The following TUBA1C variants were observed in gnomAD, a reference collection of about 807,000 sequenced individuals.
TUBA1C encodes the protein tubulin alpha 1c.
A neutral mutation model predicts 34.9 loss-of-function variants in TUBA1C; 16 were observed. The observed-to-expected ratio is 0.46, with a 90% CI of 0.31 to 0.70. TUBA1C has a LOEUF of 0.70. TUBA1C is among the 30% of genes least tolerant of loss of function. The pLI is 0.05. For missense variants in TUBA1C, 329 were observed against 587.3 expected (o/e 0.56, Z 4.55); for synonymous variants, 177 against 215.9 (o/e 0.82, Z 1.58).
intron 1 of TUBA1C, among the ~76,000 whole-genome samples, chr12:49,241,756 TCTC>T (rs1182112051): frequency 6.6e-6 from 1 of 151,110 alleles, no homozygotes; most frequent in Non-Finnish European, 1.5e-5. Flanking sequence ...TTCAAGCAAT[TCTC>T]CTGCCTCAGC....
At chr12:49,262,802 A>G (rs1942854202), upstream of TUBA1C, among the ~76,000 whole-genome samples, 1 of 152,050 alleles carries the variant, frequency 6.6e-6, no homozygotes, top group Non-Finnish European at 1.5e-5. Context: ...ATAATTTAGC[A>G]TATTTTTGGT....
intron 1 of TUBA1C, 40 bp from the exon 2 acceptor site, chr12:49,269,425 A>T (rs368836432): frequency 6.2e-7 from 1 of 1,612,834 alleles, no homozygotes; most frequent in Non-Finnish European, 8.5e-7. Flanking sequence ...GTCCCATCTG[A>T]TGTATTATAC....
At chr12:49,267,485 C>A (rs1394847698) in intron 1 of TUBA1C, among the ~76,000 whole-genome samples, 1 of 152,082 alleles carries the variant, frequency 6.6e-6, no homozygotes, top group East Asian at 1.9e-4. Flanking sequence ...ATGGTGAAAC[C>A]CCATCTCTAC....
intron 1 of TUBA1C, among the ~76,000 whole-genome samples, chr12:49,259,845 G>A (rs1230708689): frequency 2.0e-5 from 3 of 152,184 alleles, no homozygotes; most frequent in African/African-American, 7.2e-5. Flanking sequence ...GATAATGGCT[G>A]GCTGTGTGTC....
At chr12:49,270,055 G>C (rs543776568) in intron 3 of TUBA1C, 79 bp downstream of exon 3, 1 of 1,613,032 alleles carries the variant, frequency 6.2e-7, no homozygotes, top group South Asian at 1.1e-5. Context: ...ATCATTCTTT[G>C]CAACTAAAAT....
At position 49,273,496 on chromosome 12, in the gene TUBA1C, TCTC is replaced by T. The variant is rs1039860394; in HGVS notation, c.*272_*274del. On this transcript the variant is annotated 3_prime_UTR_variant, in exon 4 of 4. Transcript: ENST00000301072. ...CCTCGAGCTCCTGGACTCATGTGAT[TCTC>T]CTGCTTCAGCCTCCTAAGTAGCTGG... 8.8e-5 allele frequency: 44 copies of T among 500,416 alleles called. No homozygotes were observed. In the East Asian group the frequency reaches 1.7e-3, roughly 20 times the overall value. 31.0% of individuals were successfully genotyped at this position (500,416 alleles called of 1,614,324 possible).
rs1943031478 is a variant in TUBA1C at position 49,274,146 on chromosome 12, GTC to G, written c.*923_*924del. On this transcript the variant is annotated 3_prime_UTR_variant, in exon 4 of 4. Coordinates refer to ENST00000301072, the MANE Select transcript of TUBA1C (RefSeq NM_032704.5). ...TCTTAAATTTTTTTTCTTTGAGATG[GTC>G]TCTTTCCCAGGCTGCAGTGCAATGG... 1.3e-5 allele frequency: 2 copies of G among 151,928 alleles called. No individual in the cohort carries two copies. The highest frequency in any genetic ancestry group is 2.9e-5 in the Non-Finnish European group (2 of 68,030). The allele number at this position is 151,928 out of a possible 1,614,324, so 9.4% of individuals were successfully genotyped here. A position where few individuals can be genotyped will look rare whatever the true frequency, so the allele number is the denominator to read the frequency against.
chr12:49,266,601 C>G (rs978261397), intron 1 of TUBA1C, among the ~76,000 whole-genome samples: 1 of 152,204 alleles, frequency 6.6e-6, no homozygotes, highest in Non-Finnish European at 1.5e-5. Context: ...GTAATCCCAG[C>G]ACTTTGGGAG....
upstream of TUBA1C, among the ~76,000 whole-genome samples, chr12:49,260,084 G>T (rs911350945): frequency 3.3e-5 from 5 of 152,114 alleles, no homozygotes; most frequent in African/African-American, 1.2e-4. Flanking sequence ...AGTTTTCCAG[G>T]CTCTATGATA....
chr12:49,273,108 G>A lies in TUBA1C; in HGVS notation c.1231G>A (p.Glu411Lys). 1 of 1,614,230 alleles carries A rather than the reference G, an allele frequency of 6.2e-7. No homozygotes were observed. Among genetic ancestry groups the A allele is most frequent in the Non-Finnish European group, 8.5e-7 (1 of 1,180,040 alleles). Residue 411 changes from glutamate to lysine, a missense_variant, in exon 4 of 4, where the codon GAG becomes AAG. By Grantham distance (56) the Glu-to-Lys change is moderately conservative. Transcript: ENST00000301072. Reference sequence around the variant, plus strand: ...TGCCTTTGTTCACTGGTACGTGGGTGAGGGGATGGAGGAAGGCGAGTTTTC... The same window carrying A: ...TGCCTTTGTTCACTGGTACGTGGGTAAGGGGATGGAGGAAGGCGAGTTTTC... The part of the protein sequence containing the change: ...KRAFVHWYVG[E>K]GMEEGEFSEA...
chr12:49,230,525 A>G (rs10783310), intron 1 of TUBA1C, among the ~76,000 whole-genome samples: 24,459 of 152,172 alleles, frequency 0.16, 2,150 homozygotes, highest in Middle Eastern at 0.23. Flanking sequence ...TGAGATAACA[A>G]TAACATCCTC....
chr12:49,259,397 A>C (rs1281065858), intron 1 of TUBA1C, among the ~76,000 whole-genome samples: 1 of 151,838 alleles, frequency 6.6e-6, no homozygotes, highest in Non-Finnish European at 1.5e-5. Flanking sequence ...TAATTTTTGT[A>C]TTTTTAATAG....
intron 1 of TUBA1C, among the ~76,000 whole-genome samples, chr12:49,236,871 TC>T (rs1280040950): frequency 6.6e-6 from 1 of 152,166 alleles, no homozygotes. Context: ...TTTGATACAG[TC>T]CGGATTATGA....
chr12:49,262,354 C>A (rs574776785), upstream of TUBA1C, among the ~76,000 whole-genome samples: 1 of 136,064 alleles, frequency 7.3e-6, no homozygotes, highest in Non-Finnish European at 1.5e-5. Context: ...AAAGTCGAGG[C>A]TGCACCACTG....
intron 1 of TUBA1C, among the ~76,000 whole-genome samples, chr12:49,268,804 T>C (rs1942949906): frequency 6.6e-6 from 1 of 152,166 alleles, no homozygotes; most frequent in South Asian, 2.1e-4. Context: ...TTTTGTCTCC[T>C]AAAGAATAGG....
chr12:49,257,116 G>T (rs557514478), intron 1 of TUBA1C, among the ~76,000 whole-genome samples: 1 of 149,114 alleles, frequency 6.7e-6, no homozygotes, highest in East Asian at 2.0e-4. Context: ...GGGGGCAGAG[G>T]TTGCAGTGAG....
chr12:49,257,785 A>T (rs1942799903), intron 1 of TUBA1C: 1 of 156,732 alleles, frequency 6.4e-6, no homozygotes, highest in Admixed American at 6.5e-5. Flanking sequence ...TTTCAAAAAA[A>T]ATGTTGTACA....
rs1943017207 is a variant in TUBA1C, at chr12:49,273,139, C to T, written c.1262C>T (p.Ala421Val). 1.2e-6 allele frequency: 2 copies of T among 1,614,046 alleles called. No homozygotes were observed. The highest frequency in any genetic ancestry group is 1.7e-6 in the Non-Finnish European group (2 of 1,180,042). The change falls in exon 4 of 4, where the codon GCC becomes GTC. Residue 421 changes from alanine (A) to valine (V), a missense_variant. Around this residue, in one of 4 missense-constraint regions of TUBA1C, gnomAD observed 140 missense variants for 289.8 expected, o/e 0.48. Coordinates refer to ENST00000301072, the MANE Select transcript of TUBA1C (RefSeq NM_032704.5). ...ATGGAGGAAGGCGAGTTTTCAGAGGCCCGTGAGGACATGGCTGCCCTTGAG... is the reference window on the plus strand; with the variant it reads ...ATGGAGGAAGGCGAGTTTTCAGAGGTCCGTGAGGACATGGCTGCCCTTGAG... ...EGMEEGEFSEAREDMAALEKD... is the reference protein window; with the variant it reads ...EGMEEGEFSEVREDMAALEKD...
chr12:49,268,553 A>G (rs1330568315), intron 1 of TUBA1C, among the ~76,000 whole-genome samples: 2 of 152,012 alleles, frequency 1.3e-5, no homozygotes, highest in Non-Finnish European at 2.9e-5. Context: ...TTCTTAACCT[A>G]TCAGTAAAGT....
Sources: allele counts gnomAD v4.1 joint callset (sites outside exome capture counted in the v4.1 genomes callset), GRCh38; gene constraint gnomAD v4.1.1; regional missense constraint gnomAD v4.1.1; transcripts MANE v1.5; gene names NCBI Gene and HGNC (gene_info 2026-07-23, HGNC 2026-07-21).